Variants in TTC29 observed in about 807,000 individuals in gnomAD.
TTC29 encodes tetratricopeptide repeat domain 29.
In TTC29, 49 loss-of-function variants were observed where a neutral mutation model predicts 58.1. The observed-to-expected ratio is 0.84, with a 90% CI of 0.67 to 1.07. TTC29 has a LOEUF of 1.07. TTC29 is among the 50% of genes least tolerant of loss of function. The pLI is 0.00. For synonymous variants in TTC29, 209 were observed against 196.8 expected (o/e 1.06, Z -0.52); for missense variants, 582 against 555.6 (o/e 1.05, Z -0.48).
chr4:146,887,154 A>G (rs1158255302), intron 6 of TTC29, among the ~76,000 whole-genome samples: 1 of 152,154 alleles, frequency 6.6e-6, no homozygotes, highest in Non-Finnish European at 1.5e-5. Flanking sequence ...CTTTGTGCCT[A>G]TAGATAATAA....
intron 9 of TTC29, among the ~76,000 whole-genome samples, chr4:146,828,728 G>T (rs1057226306): frequency 7.2e-5 from 11 of 151,988 alleles, no homozygotes; most frequent in African/African-American, 2.2e-4. Flanking sequence ...TTCCAAAGGA[G>T]CAATAGATCT....
chr4:146,708,925 C>T (rs1742276187), intron 11 of TTC29, among the ~76,000 whole-genome samples: 1 of 152,062 alleles, frequency 6.6e-6, no homozygotes, highest in African/African-American at 2.4e-5. Context: ...CACTACTGCA[C>T]CTGAAGATGG....
chr4:146,773,027 T>C (rs1295446376), intron 11 of TTC29, among the ~76,000 whole-genome samples: 1 of 152,136 alleles, frequency 6.6e-6, no homozygotes, highest in Non-Finnish European at 1.5e-5. Context: ...ACTTGGACTT[T>C]GTGGGAGTAT....
At chr4:146,821,655 G>C (rs563675726) in intron 9 of TTC29, among the ~76,000 whole-genome samples, 1 of 152,232 alleles carries the variant, frequency 6.6e-6, no homozygotes, top group South Asian at 2.1e-4. Flanking sequence ...TTTGAGAAGG[G>C]AGACACATAT....
At chr4:146,877,009 CAT>C (rs1451675298) in intron 6 of TTC29, among the ~76,000 whole-genome samples, 1 of 149,794 alleles carries the variant, frequency 6.7e-6, no homozygotes, top group African/African-American at 2.5e-5. Flanking sequence ...TGCAGGAGGA[CAT>C]GTCAGCGAAG....
chr4:146,936,257 T>C (rs965765820), intron 4 of TTC29, among the ~76,000 whole-genome samples: 2 of 152,206 alleles, frequency 1.3e-5, no homozygotes, highest in Non-Finnish European at 2.9e-5. Flanking sequence ...TTGTCTTAGA[T>C]AAAATTTTTC....
chr4:146,708,035 A>G (rs72731860), intron 11 of TTC29, among the ~76,000 whole-genome samples: 6,166 of 151,912 alleles, frequency 0.041, 201 homozygotes, highest in Non-Finnish European at 0.061. Flanking sequence ...CCTTCCAGCC[A>G]TCTTGGCCAA....
At chr4:146,719,667 A>G (rs553041394) in intron 11 of TTC29, among the ~76,000 whole-genome samples, 82 of 152,260 alleles carry the variant, frequency 5.4e-4, no homozygotes, top group South Asian at 1.5e-3. Context: ...AAAAAGTCAC[A>G]TACTCCAGGG....
At chr4:146,938,310 A>C (rs1736037683) in intron 3 of TTC29, among the ~76,000 whole-genome samples, 1 of 152,148 alleles carries the variant, frequency 6.6e-6, no homozygotes, top group African/African-American at 2.4e-5. Context: ...AACTAAACAA[A>C]TATCAGTGTT....
chr4:146,776,504 T>C (rs1748107097), intron 11 of TTC29, among the ~76,000 whole-genome samples: 2 of 151,928 alleles, frequency 1.3e-5, no homozygotes, highest in African/African-American at 2.4e-5. Context: ...TTCAGTTGGG[T>C]TCAATTGACT....
intron 4 of TTC29, among the ~76,000 whole-genome samples, chr4:146,912,774 T>C (rs2150289691): frequency 6.6e-6 from 1 of 151,786 alleles, no homozygotes. Context: ...CTGGTGGTTG[T>C]GGAAAGGAGA....
At chr4:146,904,452 C>A (rs1733387662) in intron 5 of TTC29, among the ~76,000 whole-genome samples, 2 of 151,968 alleles carry the variant, frequency 1.3e-5, no homozygotes. Flanking sequence ...GGTATCTAAC[C>A]TATATCTACA....
intron 11 of TTC29, among the ~76,000 whole-genome samples, chr4:146,756,287 A>C (rs948738366): frequency 1.3e-5 from 2 of 151,682 alleles, no homozygotes; most frequent in African/African-American, 4.8e-5. Context: ...AAAAAAAAAA[A>C]AATCTGTAGT....
intron 11 of TTC29, among the ~76,000 whole-genome samples, chr4:146,801,208 T>C (rs1750194116): frequency 1.3e-5 from 2 of 152,078 alleles, no homozygotes; most frequent in South Asian, 4.1e-4. Flanking sequence ...GTGTTAAGAG[T>C]TGTGGTTCAA....
intron 11 of TTC29, among the ~76,000 whole-genome samples, chr4:146,793,638 G>T (rs1749628152): frequency 6.6e-6 from 1 of 151,986 alleles, no homozygotes; most frequent in African/African-American, 2.4e-5. Context: ...CCTCTATTTG[G>T]CTTGATATTT....
At chr4:146,911,263 T>C (rs2150287085) in intron 4 of TTC29, among the ~76,000 whole-genome samples, 1 of 152,198 alleles carries the variant, frequency 6.6e-6, no homozygotes, top group African/African-American at 2.4e-5. Context: ...TGGCCCAGAA[T>C]TTACTGGGAG....
intron 6 of TTC29, among the ~76,000 whole-genome samples, chr4:146,884,979 T>G (rs974932938): frequency 2.0e-5 from 3 of 152,132 alleles, no homozygotes; most frequent in African/African-American, 7.2e-5. Flanking sequence ...ATAACCATAC[T>G]ATGCTTGTCA....
intron 8 of TTC29, among the ~76,000 whole-genome samples, chr4:146,849,783 C>T (rs1729401774): frequency 6.6e-6 from 1 of 152,138 alleles, no homozygotes; most frequent in South Asian, 2.1e-4. Context: ...GCTCCAGGCC[C>T]CCAGGCACAC....
intron 10 of TTC29, among the ~76,000 whole-genome samples, chr4:146,814,207 A>C (rs1311512515): frequency 6.6e-6 from 1 of 152,176 alleles, no homozygotes; most frequent in Non-Finnish European, 1.5e-5. Context: ...TTTTGGCCAA[A>C]TTAAACAACA....
Sources: gnomAD v4.1 joint callset for allele counts (sites outside exome capture counted in the v4.1 genomes callset) on GRCh38, gnomAD v4.1.1 for gene constraint, MANE v1.5 for transcripts, NCBI Gene and HGNC (gene_info 2026-07-23, HGNC 2026-07-21) for gene names.